The following CDCP1 variants were observed in gnomAD, a reference collection of about 807,000 sequenced individuals.
CDCP1 encodes the protein CUB domain-containing protein 1.
Under a neutral mutation model 60.2 loss-of-function variants are expected in CDCP1, and 29 were observed. That is an observed-to-expected ratio of 0.48 (90% CI 0.36 to 0.66). The LOEUF is 0.66. Ranked by LOEUF, CDCP1 falls within the 30% of genes least tolerant of loss-of-function variation. The pLI, the probability that CDCP1 is intolerant of heterozygous loss-of-function variation, is 0.00. For synonymous variants in CDCP1, 387 were observed against 431.1 expected (o/e 0.90, Z 1.27); for missense variants, 876 against 1,074.3 (o/e 0.82, Z 2.58).
chr3:45,134,366 T>C (rs1295983688), intron 1 of CDCP1, among the ~76,000 whole-genome samples: 1 of 151,758 alleles, frequency 6.6e-6, no homozygotes, highest in Non-Finnish European at 1.5e-5. Flanking sequence ...CCTCGTGATC[T>C]CCCCGCCTTG....
intron 1 of CDCP1, among the ~76,000 whole-genome samples, chr3:45,143,964 A>C (rs1200791989): frequency 6.6e-6 from 1 of 152,214 alleles, no homozygotes; most frequent in Non-Finnish European, 1.5e-5. Flanking sequence ...ATATCATTTG[A>C]TCTGTCTGCT....
chr3:45,120,860 G>C (rs1333050310), intron 1 of CDCP1, among the ~76,000 whole-genome samples: 11 of 152,058 alleles, frequency 7.2e-5, no homozygotes, highest in Non-Finnish European at 1.5e-4. Flanking sequence ...CAGCACAAAG[G>C]TCACATTTTC....
At chr3:45,119,032 G>A (rs1424771216) in intron 1 of CDCP1, among the ~76,000 whole-genome samples, 1 of 152,098 alleles carries the variant, frequency 6.6e-6, no homozygotes, top group African/African-American at 2.4e-5. Flanking sequence ...ACATTTATCT[G>A]CAAAGAGCTG....
intron 1 of CDCP1, among the ~76,000 whole-genome samples, chr3:45,123,532 A>G (rs532876078): frequency 6.6e-6 from 1 of 152,312 alleles, no homozygotes; most frequent in African/African-American, 2.4e-5. Context: ...ATTTTTAATG[A>G]TCCCCCTCAT....
intron 2 of CDCP1, among the ~76,000 whole-genome samples, chr3:45,116,414 T>TAA (rs5848727): frequency 1.9e-4 from 27 of 142,668 alleles, no homozygotes; most frequent in African/African-American, 3.9e-4. Context: ...AGTGTTCCGT[T>TAA]AAAAAAAAAA....
At chr3:45,109,680 G>C (rs912883928) in intron 4 of CDCP1, among the ~76,000 whole-genome samples, 4 of 151,972 alleles carry the variant, frequency 2.6e-5, no homozygotes, top group African/African-American at 9.7e-5. Context: ...AGGGAGCAAA[G>C]TTTAAGGAGG....
intron 4 of CDCP1, among the ~76,000 whole-genome samples, chr3:45,100,887 G>T (rs1180345111): frequency 6.6e-6 from 1 of 152,204 alleles, no homozygotes; most frequent in African/African-American, 2.4e-5. Context: ...TCATCCTCAT[G>T]ATATCCTTGA....
In CDCP1 at chr3:45,112,444, G is replaced by C. The variant is rs757125581; in HGVS notation, c.294C>G (p.Asp98Glu). The C allele has an allele frequency of 6.2e-7, 1 of 1,610,898 alleles. No individual in the cohort carries two copies. The highest frequency in any genetic ancestry group is 1.7e-5 in the Admixed American group (1 of 59,896). Residue 98 changes from aspartate (D) to glutamate (E), a missense_variant and splice_region_variant, in exon 3 of 9, where the codon GAC (aspartate) becomes GAG (glutamate). Physicochemically the swap from Asp to Glu is conservative, Grantham distance 45. Transcript: ENST00000296129. The part of the protein sequence containing the change: ...HFVIEIQKNI[D>E]CMSGPCPFGE... ...CAAAAGGACATGGGCCTGACATACA[G>C]TCTGAAAAACAGTCACAGAAGCAAT...
Position 45,092,729 on chromosome 3 carries a change from G to A in CDCP1, c.1627+548C>T, listed in dbSNP as rs1698317121. 3.3e-5 allele frequency among the ~76,000 whole-genome samples: 5 copies of A among 152,284 alleles called. No individual in the cohort carries two copies. In the South Asian group the frequency reaches 1.0e-3, roughly 32 times the overall value. On this transcript the variant is annotated intron_variant, in intron 6 of 8. Coordinates refer to ENST00000296129, the MANE Select transcript of CDCP1 (RefSeq NM_022842.5). ...GTCAACCATGTAGAAGTCACGTTGT[G>A]AGCCATTTAGACCTCATTTACTGCC...
intron 4 of CDCP1, among the ~76,000 whole-genome samples, chr3:45,100,050 T>C (rs1196300855): frequency 2.0e-5 from 3 of 152,222 alleles, no homozygotes; most frequent in African/African-American, 7.2e-5. Context: ...GAGGCACTAA[T>C]GCTATTTGGA....
intron 8 of CDCP1, among the ~76,000 whole-genome samples, chr3:45,086,916 T>A (rs1419411276): frequency 6.6e-6 from 1 of 152,216 alleles, no homozygotes; most frequent in African/African-American, 2.4e-5. Flanking sequence ...ATGGGCCATA[T>A]AAGGCACAGG....
chr3:45,126,108 C>CTTTCTTTCTCTTTCTTTCTTTCTT (rs1553610965), intron 1 of CDCP1, among the ~76,000 whole-genome samples: 1 of 110,082 alleles, frequency 9.1e-6, no homozygotes, highest in African/African-American at 3.7e-5. Flanking sequence ...TTGTCTCTCT[C>CTTTCTTTCTCTTTCTTTCTTTCTT]TCTTTCTTTC....
chr3:45,116,939 A>T (rs9821298), intron 2 of CDCP1, among the ~76,000 whole-genome samples: 22,731 of 152,134 alleles, frequency 0.15, 1,848 homozygotes, highest in East Asian at 0.35. Flanking sequence ...CTCTGTATAT[A>T]TTGTTAAGTC....
chr3:45,132,192 C>T (rs1413668456), intron 1 of CDCP1, among the ~76,000 whole-genome samples: 2 of 149,784 alleles, frequency 1.3e-5, no homozygotes, highest in Non-Finnish European at 1.5e-5. Flanking sequence ...GCTGAGATCA[C>T]ACCACTGCAC....
intron 5 of CDCP1, among the ~76,000 whole-genome samples, chr3:45,094,898 T>C (rs1053439166): frequency 6.6e-6 from 1 of 151,490 alleles, no homozygotes; most frequent in Non-Finnish European, 1.5e-5. Context: ...ACACCCACTC[T>C]GCTTGCCTCC....
At chr3:45,124,200 C>T (rs181784366) in intron 1 of CDCP1, among the ~76,000 whole-genome samples, 12 of 152,280 alleles carry the variant, frequency 7.9e-5, no homozygotes, top group Middle Eastern at 3.4e-3. Context: ...TTGCAATTCT[C>T]GATTCTAGTA....
At position 45,110,811 on chromosome 3, in the gene CDCP1, C is replaced by T. The variant is rs1378371288; in HGVS notation, c.686G>A (p.Gly229Asp). 2 of 1,613,794 alleles carry T rather than the reference C, an allele frequency of 1.2e-6. No individual in the cohort carries two copies. The highest frequency in any genetic ancestry group is 2.2e-5 in the South Asian group (2 of 91,058). The change falls in exon 4 of 9, where the codon GGT becomes GAT. Residue 229 changes from glycine to aspartate, a missense_variant. Physicochemically the swap from Gly to Asp is moderately conservative, Grantham distance 94. Around this residue, in one of 2 missense-constraint regions of CDCP1, gnomAD observed 726 missense variants for 935.7 expected, o/e 0.78. Coordinates refer to ENST00000296129, the MANE Select transcript of CDCP1 (RefSeq NM_022842.5). ...RLCIIESVFE[G>D]EGSATLMSAN... ...AGACATCAGGGTTGCTGAGCCTTCA[C>T]CCTCAAACACAGACTCGATGATGCA... is the stretch of plus-strand genomic sequence containing the variant.
intron 1 of CDCP1, chr3:45,139,542 T>A (rs1699248367): frequency 6.6e-6 from 1 of 152,322 alleles, no homozygotes; most frequent in Non-Finnish European, 1.5e-5. Flanking sequence ...CCCTTTGGGA[T>A]GTGCAGTCTG....
chr3:45,128,414 A>G (rs1183849488), intron 1 of CDCP1, among the ~76,000 whole-genome samples: 1 of 152,260 alleles, frequency 6.6e-6, no homozygotes, highest in Admixed American at 6.5e-5. Flanking sequence ...TCCAACTTCC[A>G]GAATTATATC....
Sources: allele counts gnomAD v4.1 joint callset (sites outside exome capture counted in the v4.1 genomes callset), GRCh38; gene constraint gnomAD v4.1.1; regional missense constraint gnomAD v4.1.1; transcripts MANE v1.5; gene names NCBI Gene and HGNC (gene_info 2026-07-23, HGNC 2026-07-21).